The following ADGRL3 variants were observed in gnomAD, a reference collection of about 807,000 sequenced individuals.
The protein encoded by ADGRL3 is calcium-independent alpha-latrotoxin receptor 3.
A neutral mutation model predicts 153.5 loss-of-function variants in ADGRL3; 62 were observed. That is an observed-to-expected ratio of 0.40 (90% confidence interval 0.33 to 0.50). ADGRL3 has a LOEUF of 0.50. Ranked by LOEUF, ADGRL3 falls within the 20% of genes least tolerant of loss-of-function variation. The pLI, the probability that ADGRL3 is intolerant of heterozygous loss-of-function variation, is 0.47. For missense variants in ADGRL3, 1,641 were observed against 1,859.4 expected, an observed-to-expected ratio of 0.88 and a Z score of 2.16; for synonymous variants, 710 against 672.5, an observed-to-expected ratio of 1.06 and a Z score of -0.86.
chr4:62,012,716 G>T (rs891258291), intron 21 of ADGRL3, among the ~76,000 whole-genome samples: 1 of 152,050 alleles, frequency 6.6e-6, no homozygotes, highest in Non-Finnish European at 1.5e-5. Flanking sequence ...ATATTGACTG[G>T]ATAGCAATGA....
chr4:61,919,786 A>C (rs1036242188), intron 13 of ADGRL3, among the ~76,000 whole-genome samples: 1 of 152,188 alleles, frequency 6.6e-6, no homozygotes, highest in Non-Finnish European at 1.5e-5. Flanking sequence ...GGAATCTCTC[A>C]CAATTCCCCT....
intron 9 of ADGRL3, among the ~76,000 whole-genome samples, chr4:61,871,194 C>T (rs749198528): frequency 4.6e-5 from 7 of 151,516 alleles, no homozygotes; most frequent in Admixed American, 6.6e-5. Context: ...AGGAGAATGG[C>T]GTGAACCCAG....
At chr4:61,671,647 G>A in intron 5 of ADGRL3, among the ~76,000 whole-genome samples, 1 of 152,218 alleles carries the variant, frequency 6.6e-6, no homozygotes, top group South Asian at 2.1e-4. Flanking sequence ...GTGAGGGCCT[G>A]GTTATATAAT....
chr4:61,217,500 A>C (rs1743334710), intron 1 of ADGRL3, among the ~76,000 whole-genome samples: 1 of 152,204 alleles, frequency 6.6e-6, no homozygotes, highest in African/African-American at 2.4e-5. Flanking sequence ...GCAATAGAGA[A>C]AACAAATCTG....
Position 61,901,417 on chromosome 4 carries a change from G to C in ADGRL3, c.1887+5583G>C, listed in dbSNP as rs182827820. Among the ~76,000 whole-genome samples, 12 of 152,268 alleles carry C rather than the reference G, an allele frequency of 7.9e-5. No individual in the cohort carries two copies. The East Asian group carries it at 1.9e-3, about 25-fold the overall frequency. Reference sequence around the variant, plus strand: ...TCCCCTAGAAACTAGGTTGAATCCTGTCTCCTATATCTTAAATTCCCCATT... The same window carrying C: ...TCCCCTAGAAACTAGGTTGAATCCTCTCTCCTATATCTTAAATTCCCCATT... On this transcript the variant is annotated intron_variant, in intron 11 of 26. Transcript: ENST00000683033.
chr4:61,760,081 A>C (rs573915693), intron 8 of ADGRL3, among the ~76,000 whole-genome samples: 1 of 151,344 alleles, frequency 6.6e-6, no homozygotes, highest in Non-Finnish European at 1.5e-5. Flanking sequence ...GTCTGCCCCT[A>C]CCTCCCAGTT....
Position 61,302,351 on chromosome 4 carries a change from A to G in ADGRL3, c.-239-80773A>G, listed in dbSNP as rs1322163971. 3.3e-5 allele frequency among the ~76,000 whole-genome samples: 5 copies of G among 152,276 alleles called. No homozygotes were observed. In the South Asian group the frequency reaches 8.3e-4, roughly 25 times the overall value. ...AATTCACAGAGACCAAAGAAGGTGA[A>G]GTGAAAGGCTACTACTAGTGGAGCC... On this transcript the variant is annotated intron_variant, in intron 1 of 26. Coordinates refer to ENST00000683033, the MANE Select transcript of ADGRL3 (RefSeq NM_001387552.1).
At chr4:61,673,637 G>A (rs1285711037) in intron 5 of ADGRL3, among the ~76,000 whole-genome samples, 3 of 150,966 alleles carry the variant, frequency 2.0e-5, no homozygotes, top group Non-Finnish European at 3.0e-5. Context: ...AGTAACTGAA[G>A]TCATTTAAAA....
intron 9 of ADGRL3, among the ~76,000 whole-genome samples, chr4:61,834,306 G>A (rs1581059281): frequency 6.6e-6 from 1 of 152,030 alleles, no homozygotes; most frequent in East Asian, 1.9e-4. Context: ...ATTTTTTATG[G>A]CTGCATAGTA....
At chr4:61,464,984 C>G (rs1461723002) in intron 2 of ADGRL3, among the ~76,000 whole-genome samples, 2 of 152,166 alleles carry the variant, frequency 1.3e-5, no homozygotes, top group South Asian at 4.1e-4. Context: ...ACTCTGGGGT[C>G]TCCTTCAGAA....
intron 1 of ADGRL3, among the ~76,000 whole-genome samples, chr4:61,303,294 G>A (rs1472217931): frequency 6.6e-6 from 1 of 152,102 alleles, no homozygotes; most frequent in Non-Finnish European, 1.5e-5. Context: ...TCATCTTCCT[G>A]TATCACAGTT....
At chr4:61,410,893 G>A (rs2097078838) in intron 2 of ADGRL3, among the ~76,000 whole-genome samples, 1 of 152,178 alleles carries the variant, frequency 6.6e-6, no homozygotes, top group South Asian at 2.1e-4. Flanking sequence ...GATTCCAAAA[G>A]GTCTGAATCA....
chr4:61,711,493 C>CATAT (rs1554009889), intron 6 of ADGRL3, among the ~76,000 whole-genome samples: 1 of 31,952 alleles, frequency 3.1e-5, no homozygotes, highest in Non-Finnish European at 6.8e-5. Context: ...TATATATATA[C>CATAT]ACACACACAC....
chr4:62,066,629 T>C (rs951031273), intron 25 of ADGRL3, among the ~76,000 whole-genome samples: 2 of 152,078 alleles, frequency 1.3e-5, no homozygotes, highest in Non-Finnish European at 2.9e-5. Context: ...AGAGAGGAAG[T>C]CATGATTTTA....
intron 2 of ADGRL3, among the ~76,000 whole-genome samples, chr4:61,421,924 T>C (rs2097212108): frequency 2.0e-5 from 3 of 152,140 alleles, no homozygotes; most frequent in Admixed American, 2.0e-4. Flanking sequence ...CGCTTTTTGG[T>C]CTAAAAACAT....
chr4:61,674,239 A>T (rs1357233728), intron 5 of ADGRL3, among the ~76,000 whole-genome samples: 2 of 151,592 alleles, frequency 1.3e-5, no homozygotes, highest in African/African-American at 4.8e-5. Context: ...ATCTATATAA[A>T]CATAACCATT....
intron 6 of ADGRL3, among the ~76,000 whole-genome samples, chr4:61,709,160 A>G (rs2095913622): frequency 6.6e-6 from 1 of 152,120 alleles, no homozygotes; most frequent in Non-Finnish European, 1.5e-5. Flanking sequence ...CTAATTTGTT[A>G]TATTGATCTT....
chr4:61,241,293 C>T (rs890957697), intron 1 of ADGRL3, among the ~76,000 whole-genome samples: 6 of 151,828 alleles, frequency 4.0e-5, no homozygotes, highest in Non-Finnish European at 7.4e-5. Context: ...TGATAGTTTT[C>T]GTGAGCATGT....
In ADGRL3 at chr4:61,892,744, C is replaced by T; in HGVS notation, c.1569C>T (p.Thr523=). The T allele has an allele frequency of 3.7e-6, 6 of 1,613,782 alleles. No individual in the cohort carries two copies. Among genetic ancestry groups the T allele is most frequent in the Non-Finnish European group, 3.4e-6 (4 of 1,179,774 alleles). Residue 523 remains threonine, a synonymous_variant, in exon 10 of 27, where the codon ACC becomes ACT. Coordinates refer to ENST00000683033, the MANE Select transcript of ADGRL3 (RefSeq NM_001387552.1). ...CAACTTTGAGCCCAGGAAGGAGTAC[C>T]ACCCCGTCAGTGTCAGGAAGAAGAA... ...RTTTLSPGRS[T]TPSVSGRRNR... is the part of the protein sequence containing the mutation.
Sources: allele counts gnomAD v4.1 joint callset (sites outside exome capture counted in the v4.1 genomes callset), GRCh38; gene constraint gnomAD v4.1.1; transcripts MANE v1.5; gene names NCBI Gene and HGNC (gene_info 2026-07-23, HGNC 2026-07-21).